Variants in SP3 observed in about 807,000 individuals in gnomAD.
SP3 encodes transcription factor Sp3.
Under a neutral mutation model 70.3 loss-of-function variants are expected in SP3, and 10 were observed. The ratio of observed to expected loss-of-function variants is 0.14; its 90% CI spans 0.09 to 0.24. The LOEUF (loss-of-function observed/expected upper bound fraction) is 0.24. Among genes scored for constraint, SP3 ranks in the 10% least tolerant of loss-of-function variants. The probability of loss-of-function intolerance (pLI) is 1.00; values close to 1 mark genes in which losing one functional copy is unlikely to be tolerated. For synonymous variants in SP3, 402 were observed against 333.5 expected, an observed-to-expected ratio of 1.21 and a Z score of -2.24; for missense variants, 825 against 914.6, an observed-to-expected ratio of 0.90 and a Z score of 1.26.
chr2:173,964,679 G>A (rs1035667871), intron 1 of SP3, 126 bp from the exon 2 acceptor site: 2 of 232,116 alleles, frequency 8.6e-6, no homozygotes, highest in African/African-American at 1.0e-4. Flanking sequence ...TCCCCCACCC[G>A]CCCCCCGGCG....
Position 173,910,003 on chromosome 2 carries a change from G to A in SP3, c.2284C>T (p.Leu762Phe). Residue 762 changes from leucine to phenylalanine, a missense_variant, in exon 7 of 7, where the codon CTT becomes TTT. Transcript: ENST00000310015. ...NTSATSNQDILTNTEIPLQLV... is the reference protein window; with the variant it reads ...NTSATSNQDIFTNTEIPLQLV... The stretch of plus-strand genomic sequence containing the variant: ...TGTAAAGGTATTTCAGTGTTGGTAA[G>A]GATATCTTGATTGCTGGTGGCGGAA... The A allele has an allele frequency of 1.2e-6, 2 of 1,613,896 alleles. No homozygotes were observed. Among genetic ancestry groups the A allele is most frequent in the Non-Finnish European group, 1.7e-6 (2 of 1,179,850 alleles).
In SP3 at chr2:173,908,934, A is replaced by G. The variant is rs1374234372; in HGVS notation, c.*1007T>C. 1 of 152,432 alleles carries G rather than the reference A, an allele frequency of 6.6e-6. No homozygotes were observed. The highest frequency in any genetic ancestry group is 1.5e-5 in the Non-Finnish European group (1 of 67,904). The allele number at this position is 152,432 out of a possible 1,614,324, so 9.4% of individuals were successfully genotyped here. ...ACAAAAAAAAAAAAGACTTAAAAAA[A>G]TATCATAAAACCTCTAGTTCTTCTA... is the stretch of plus-strand genomic sequence containing the variant. On this transcript the variant is annotated 3_prime_UTR_variant, in exon 7 of 7. Coordinates refer to ENST00000310015, the MANE Select transcript of SP3 (RefSeq NM_003111.5).
At chr2:173,917,114 G>A (rs1689634772) in intron 5 of SP3, among the ~76,000 whole-genome samples, 2 of 152,008 alleles carry the variant, frequency 1.3e-5, no homozygotes, top group South Asian at 4.1e-4. Context: ...ATTTTTATGA[G>A]CATGTTTTAG....
chr2:173,928,304 C>T (rs1210379644), intron 4 of SP3, among the ~76,000 whole-genome samples: 1 of 152,156 alleles, frequency 6.6e-6, no homozygotes, highest in Non-Finnish European at 1.5e-5. Context: ...AAGAGGGCCC[C>T]AGGCCCTCAT....
At chr2:173,950,848 C>T (rs1690691656) in intron 4 of SP3, among the ~76,000 whole-genome samples, 1 of 152,036 alleles carries the variant, frequency 6.6e-6, no homozygotes, top group Non-Finnish European at 1.5e-5. Context: ...AGTTTATATC[C>T]TCAAAATGAA....
chr2:173,958,375 A>T (rs993150854), intron 3 of SP3, among the ~76,000 whole-genome samples: 3 of 151,960 alleles, frequency 2.0e-5, no homozygotes, highest in Non-Finnish European at 4.4e-5. Flanking sequence ...GCTAACGCAA[A>T]TGACAAATCT....
intron 3 of SP3, among the ~76,000 whole-genome samples, chr2:173,961,121 T>A (rs1691059616): frequency 6.6e-6 from 1 of 152,228 alleles, no homozygotes; most frequent in African/African-American, 2.4e-5. Context: ...ATTTCCTGGT[T>A]TACTACTAAA....
rs1689384137 is a variant in SP3, at chr2:173,908,298, T to C, written c.*1643A>G. On this transcript the variant is annotated 3_prime_UTR_variant, in exon 7 of 7. Coordinates refer to ENST00000310015, the MANE Select transcript of SP3 (RefSeq NM_003111.5). The stretch of plus-strand genomic sequence containing the variant: ...ATATGAATCAATGTGGGCTAAGGGC[T>C]AAGACTTTTTTTCAAAAATTTTATT... 1 of 152,234 alleles carries C rather than the reference T, an allele frequency of 6.6e-6. No individual in the cohort carries two copies. 9.4% of individuals were successfully genotyped at this position (152,234 alleles called of 1,614,324 possible).
chr2:173,933,673 A>ATAT lies in SP3; in HGVS notation c.1640-14889_1640-14888insATA, dbSNP rs1559098593. Among the ~76,000 whole-genome samples, 344 of 61,578 alleles carry ATAT rather than the reference A, an allele frequency of 5.6e-3. 2 individuals are homozygous for ATAT. Among genetic ancestry groups the ATAT allele is most frequent in the African/African-American group, 0.017 (337 of 19,552 alleles). 40.4% of individuals were successfully genotyped at this position (61,578 alleles called of 152,430 possible). A position where few individuals can be genotyped will look rare whatever the true frequency, so the allele number is the denominator to read the frequency against. The stretch of plus-strand genomic sequence containing the variant: ...ATATATATATATATATATATATATA[A>ATAT]AAGTTATAAAGTAACATTTATAAAA... On this transcript the variant is annotated intron_variant, in intron 4 of 6. Transcript: ENST00000310015.
Position 173,907,134 on chromosome 2 carries a change from C to G in SP3, c.*2807G>C, listed in dbSNP as rs1447279466. The stretch of plus-strand genomic sequence containing the variant: ...CTCAATCTATAGAAAATGAGATGCT[C>G]TTTAAGTGATACTTTCTTAAATTAA... On this transcript the variant is annotated 3_prime_UTR_variant, in exon 7 of 7. Transcript: ENST00000310015. 3.3e-5 allele frequency: 5 copies of G among 152,234 alleles called. No homozygotes were observed. The allele number at this position is 152,234 out of a possible 1,614,324, so 9.4% of individuals were successfully genotyped here.
intron 4 of SP3, among the ~76,000 whole-genome samples, chr2:173,925,871 A>G (rs978405435): frequency 1.3e-5 from 2 of 152,240 alleles, no homozygotes; most frequent in African/African-American, 4.8e-5. Flanking sequence ...AGGTTAAAAT[A>G]GTACACACAC....
chr2:173,908,035 A>G lies in SP3; in HGVS notation c.*1906T>C, dbSNP rs561168024. The G allele has an allele frequency of 6.6e-6, 1 of 152,206 alleles. No homozygotes were observed. Among genetic ancestry groups the G allele is most frequent in the South Asian group, 2.1e-4 (1 of 4,820 alleles). 9.4% of individuals were successfully genotyped at this position (152,206 alleles called of 1,614,324 possible). Reference sequence around the variant, plus strand: ...TGTTAAGAAACTTGATTTTTACTTTAAAACATCTACAATACACAATCACAT... The same window carrying G: ...TGTTAAGAAACTTGATTTTTACTTTGAAACATCTACAATACACAATCACAT... On this transcript the variant is annotated 3_prime_UTR_variant, in exon 7 of 7. Transcript: ENST00000310015.
rs542922486 is a variant in SP3 at position 173,963,743 on chromosome 2, G to C, written c.279+18C>G. ...GGGCGCCCGGCCTCGGCGGGGGCGG[G>C]CCGCGCGCGGGACTTACCGCTCCGG... On this transcript the variant is annotated intron_variant, in intron 3 of 6. Coordinates refer to ENST00000310015, the MANE Select transcript of SP3 (RefSeq NM_003111.5). 9.9e-7 allele frequency: 1 copy of C among 1,007,484 alleles called. No homozygotes were observed. Among genetic ancestry groups the C allele is most frequent in the African/African-American group, 1.7e-5 (1 of 57,334 alleles). 62.4% of individuals were successfully genotyped at this position (1,007,484 alleles called of 1,614,324 possible). A position where few individuals can be genotyped will look rare whatever the true frequency, so the allele number is the denominator to read the frequency against.
At chr2:173,928,524 C>A (rs1689980511) in intron 4 of SP3, among the ~76,000 whole-genome samples, 2 of 149,828 alleles carry the variant, frequency 1.3e-5, no homozygotes, top group African/African-American at 4.9e-5. Flanking sequence ...AAAAGCAGAA[C>A]TGCCTGTAAA....
intron 4 of SP3, among the ~76,000 whole-genome samples, chr2:173,924,055 A>G (rs1476334248): frequency 6.6e-6 from 1 of 152,060 alleles, no homozygotes; most frequent in East Asian, 1.9e-4. Context: ...TAGGTTTTTA[A>G]AACTAAATGT....
intron 4 of SP3, among the ~76,000 whole-genome samples, chr2:173,922,756 C>T (rs1323752935): frequency 4.6e-5 from 7 of 152,172 alleles, no homozygotes; most frequent in Non-Finnish European, 1.0e-4. Flanking sequence ...TTGGATATAA[C>T]ATTGTGGTAA....
intron 4 of SP3, among the ~76,000 whole-genome samples, chr2:173,946,721 C>CTTTTTT (rs35419725): frequency 0.017 from 2,230 of 129,084 alleles, 36 homozygotes; most frequent in Admixed American, 0.063. Flanking sequence ...AAAGATCTGC[C>CTTTTTT]TTTTTTTTTT....
At chr2:173,960,613 G>A (rs1433313217) in intron 3 of SP3, among the ~76,000 whole-genome samples, 2 of 152,080 alleles carry the variant, frequency 1.3e-5, no homozygotes, top group African/African-American at 2.4e-5. Context: ...ACATTTATGT[G>A]CCAAATTAAG....
chr2:173,952,646 T>C (rs1478974890), intron 4 of SP3, among the ~76,000 whole-genome samples: 1 of 152,108 alleles, frequency 6.6e-6, no homozygotes, highest in African/African-American at 2.4e-5. Flanking sequence ...CCAAAAAGTG[T>C]AAACAACCTA....
Sources: allele counts gnomAD v4.1 joint callset (sites outside exome capture counted in the v4.1 genomes callset), GRCh38; gene constraint gnomAD v4.1.1; transcripts MANE v1.5; gene names NCBI Gene and HGNC (gene_info 2026-07-23, HGNC 2026-07-21).